The following DRC8 variants were observed in gnomAD, a reference collection of about 807,000 sequenced individuals.
The protein encoded by DRC8 is dynein regulatory complex subunit 8, also known as dynein regulatory complex protein 8.
the DRC8 span, among the ~76,000 whole-genome samples, chr1:245,042,275 G>A: frequency 0.033 from 4,982 of 152,264 alleles, 287 homozygotes; most frequent in African/African-American, 0.11. Flanking sequence ...TGATATACAG[G>A]AGATCCAGAG....
the DRC8 span, among the ~76,000 whole-genome samples, chr1:245,076,871 T>G: frequency 1.3e-5 from 2 of 152,020 alleles, no homozygotes; most frequent in African/African-American, 2.4e-5. Flanking sequence ...GGACTACAGG[T>G]GCACACCACC....
At chr1:245,088,319 C>CACACACACAT in the DRC8 span, among the ~76,000 whole-genome samples, 1 of 148,090 alleles carries the variant, frequency 6.8e-6, no homozygotes. This position sits in a 1 kb window ranked among gnomAD's most constrained non-coding sequence, Gnocchi z 4.6. Flanking sequence ...TAACAAGACA[C>CACACACACAT]ACACACACAC....
chr1:245,023,264 A>G, the DRC8 span: 96 of 152,230 alleles, frequency 6.3e-4, no homozygotes, highest in Admixed American at 2.0e-3. Context: ...CATTTTGTTC[A>G]TCCATCTGTG....
At chr1:245,108,131 C>T in the DRC8 span, among the ~76,000 whole-genome samples, 1 of 152,080 alleles carries the variant, frequency 6.6e-6, no homozygotes, top group East Asian at 1.9e-4. Flanking sequence ...TCCCCGTCAC[C>T]CACCCGTCAC....
the DRC8 span, among the ~76,000 whole-genome samples, chr1:245,106,115 A>G: frequency 1.3e-5 from 2 of 152,204 alleles, no homozygotes; most frequent in Non-Finnish European, 2.9e-5. Flanking sequence ...TGTGTGTCAT[A>G]GGTGGGCCTT....
At chr1:245,088,513 G>A in the DRC8 span, among the ~76,000 whole-genome samples, 1 of 152,216 alleles carries the variant, frequency 6.6e-6, no homozygotes, top group Non-Finnish European at 1.5e-5. The surrounding 1 kb of genome is among the most constrained non-coding windows in gnomAD (Gnocchi z 4.6). Context: ...AAACACTGAA[G>A]GAGTACCATG....
chr1:245,028,118 G>A, the DRC8 span, among the ~76,000 whole-genome samples: 4 of 152,092 alleles, frequency 2.6e-5, no homozygotes, highest in East Asian at 1.9e-4. Flanking sequence ...TTGAACTTCC[G>A]GGCTCAAGCA....
chr1:245,059,923 G>A, the DRC8 span, among the ~76,000 whole-genome samples: 2 of 152,200 alleles, frequency 1.3e-5, no homozygotes, highest in Non-Finnish European at 2.9e-5. Flanking sequence ...TAATAGTGGA[G>A]GTGAATGATC....
the DRC8 span, chr1:245,123,508 C>A: frequency 6.4e-6 from 1 of 155,760 alleles, no homozygotes; most frequent in South Asian, 2.0e-4. The surrounding 1 kb of genome is among the most constrained non-coding windows in gnomAD (Gnocchi z 5.0). Flanking sequence ...AGGCACAGCT[C>A]ACCAAGACAC....
At chr1:244,983,372 A>G in the DRC8 span, among the ~76,000 whole-genome samples, 2 of 152,152 alleles carry the variant, frequency 1.3e-5, no homozygotes, top group East Asian at 3.8e-4. Flanking sequence ...TGTCACAAGT[A>G]TTTCTTAAAG....
chr1:244,990,629 A>AAAT, the DRC8 span, among the ~76,000 whole-genome samples: 1 of 152,130 alleles, frequency 6.6e-6, no homozygotes, highest in Admixed American at 6.6e-5. Context: ...ACTATGACAT[A>AAAT]GCCCCATCAA....
At chr1:245,096,841 T>A in the DRC8 span, among the ~76,000 whole-genome samples, 4 of 152,142 alleles carry the variant, frequency 2.6e-5, no homozygotes, top group Non-Finnish European at 4.4e-5. Flanking sequence ...CTGTGTCAGG[T>A]ATAGGATATG....
chr1:245,027,169 G>A, the DRC8 span, among the ~76,000 whole-genome samples: 1 of 152,048 alleles, frequency 6.6e-6, no homozygotes, highest in East Asian at 1.9e-4. Context: ...TTCTTATCAT[G>A]GTCCTTTTGA....
the DRC8 span, among the ~76,000 whole-genome samples, chr1:245,010,949 G>A: frequency 6.6e-6 from 1 of 152,150 alleles, no homozygotes; most frequent in East Asian, 1.9e-4. Context: ...CCAAAGTGCT[G>A]GGATTACAGG....
chr1:245,112,496 T>C, the DRC8 span, among the ~76,000 whole-genome samples: 1 of 152,240 alleles, frequency 6.6e-6, no homozygotes, highest in Non-Finnish European at 1.5e-5. Flanking sequence ...AAAATTTTAC[T>C]ATATATGTGT....
chr1:245,022,037 T>C, the DRC8 span, among the ~76,000 whole-genome samples: 1 of 152,196 alleles, frequency 6.6e-6, no homozygotes, highest in Non-Finnish European at 1.5e-5. Context: ...TATTTTCCTT[T>C]TTCATTTCCT....
chr1:245,035,211 C>G, the DRC8 span, among the ~76,000 whole-genome samples: 1 of 149,580 alleles, frequency 6.7e-6, no homozygotes, highest in Non-Finnish European at 1.5e-5. Flanking sequence ...AACAAATTGA[C>G]AGTTAATTCT....
the DRC8 span, among the ~76,000 whole-genome samples, chr1:245,025,882 G>A: frequency 6.6e-6 from 1 of 152,186 alleles, no homozygotes; most frequent in Admixed American, 6.5e-5. Context: ...CATGTAAGAT[G>A]TGCCTCTGCT....
chr1:245,083,734 A>G, the DRC8 span: 3 of 1,567,714 alleles, frequency 1.9e-6, no homozygotes, highest in Non-Finnish European at 1.7e-6. Context: ...GTGAGGAATT[A>G]ATAATTTGTT....
Sources: gnomAD v4.1 joint callset for allele counts (sites outside exome capture counted in the v4.1 genomes callset) on GRCh38, gnomAD v4.1.1 for gene constraint, Gnocchi (gnomAD v3.1) non-coding constraint, MANE v1.5 for transcripts, NCBI Gene and HGNC (gene_info 2026-07-23, HGNC 2026-07-21) for gene names.